Variants in ZFYVE26 observed in about 807,000 individuals in gnomAD.
The protein encoded by ZFYVE26 is zinc finger FYVE-type containing 26, also known as zinc finger FYVE domain-containing protein 26.
ZFYVE26 carries 181 observed loss-of-function variants against 276.5 expected under a neutral mutation model. The ratio of observed to expected loss-of-function variants is 0.65; its 90% confidence interval spans 0.58 to 0.74. The LOEUF (loss-of-function observed/expected upper bound fraction) is 0.74, where lower values mean the gene tolerates loss of function less well. ZFYVE26 is among the 30% of genes least tolerant of loss of function. The pLI is 0.00. For missense variants in ZFYVE26, 2,821 were observed against 3,097.9 expected (o/e 0.91, Z 2.12); for synonymous variants, 1,129 against 1,203.1 (o/e 0.94, Z 1.27).
chr14:67,801,954 C>A (rs1484525008), intron 10 of ZFYVE26, 125 bp downstream of exon 10: 4 of 1,055,156 alleles, frequency 3.8e-6, no homozygotes, highest in Admixed American at 1.8e-5. Context: ...GAAACTATCC[C>A]TGGGTGAAAT....
rs1289089560 is a variant in ZFYVE26 at position 67,783,255 on chromosome 14, G to A, written c.3897C>T (p.Ala1299=). ...GAAAGGCCAAGGCAGAGGAGGTGAG[G>A]GCTGGGAGTGATGAGTCCCTTGGGG... is the stretch of plus-strand genomic sequence containing the variant. ...YSSPRDSSLP[A]LTSSALAFLK... The change falls in exon 21 of 42, where the codon GCC becomes GCT. Residue 1299 remains alanine, a synonymous_variant. Coordinates refer to ENST00000347230, the MANE Select transcript of ZFYVE26 (RefSeq NM_015346.4). 25 of 1,614,076 alleles carry A rather than the reference G, an allele frequency of 1.5e-5. No homozygotes were observed. Among genetic ancestry groups the A allele is most frequent in the Middle Eastern group, 1.6e-4 (1 of 6,062 alleles).
In ZFYVE26 at chr14:67,806,956, G is replaced by T. The variant is rs76888436; in HGVS notation, c.887-281C>A. On this transcript the variant is annotated intron_variant, in intron 5 of 41. Transcript: ENST00000347230. ...TATTTATTTATTTATTTTGAGATAG[G>T]GTCTCACTCTGTCATGCAGGCTGGA... Among the ~76,000 whole-genome samples the T allele has an allele frequency of 1.3e-4, 20 of 151,920 alleles. No homozygotes were observed. The East Asian group carries it at 3.5e-3, about 26-fold the overall frequency.
chr14:67,800,166 A>G (rs1227579216), intron 10 of ZFYVE26, among the ~76,000 whole-genome samples: 1 of 152,250 alleles, frequency 6.6e-6, no homozygotes. Flanking sequence ...TAAATAAAAA[A>G]AGTAAAACAT....
rs144726683 is a variant in ZFYVE26, at chr14:67,805,511, T to A, written c.1125A>T (p.Thr375=). The change falls in exon 7 of 42, where the codon ACA becomes ACT. Residue 375 remains threonine, a synonymous_variant. Coordinates refer to ENST00000347230, the MANE Select transcript of ZFYVE26 (RefSeq NM_015346.4). The part of the protein sequence containing the change: ...LSCLLVLLGW[T]HCQSLESAKR... ...TGGCTGACTCTAGGCTCTGGCAGTG[T>A]GTCCAGCCCAGGAGTACAAGCAGGC... 6.2e-7 allele frequency: 1 copy of A among 1,614,208 alleles called. No homozygotes were observed. Among genetic ancestry groups the A allele is most frequent in the Non-Finnish European group, 8.5e-7 (1 of 1,180,034 alleles).
chr14:67,765,921 C>T (rs1466435542), intron 32 of ZFYVE26, among the ~76,000 whole-genome samples: 1 of 152,114 alleles, frequency 6.6e-6, no homozygotes, highest in East Asian at 1.9e-4. Context: ...AAGGTGGTTC[C>T]CTACATTGAC....
intron 3 of ZFYVE26, among the ~76,000 whole-genome samples, chr14:67,812,804 T>C (rs1422278306): frequency 6.6e-6 from 1 of 152,220 alleles, no homozygotes; most frequent in East Asian, 1.9e-4. Flanking sequence ...ACTAGAGAGA[T>C]CCCTTAATCA....
At position 67,733,643 on chromosome 14, in the gene ZFYVE26, A is replaced by G. The variant is rs1398746081; in HGVS notation, n.2680-3824T>C. 2.0e-5 allele frequency: 15 copies of G among 762,578 alleles called. 1 individual carries two copies. The highest frequency in any genetic ancestry group is 3.4e-5 in the Non-Finnish European group (15 of 436,132). 47.2% of individuals were successfully genotyped at this position (762,578 alleles called of 1,614,324 possible). ...ATTAGTTTCTTTGAGTCTGGCATAT[A>G]TTGTATTTTATTCATTTAGAAACAT... is the stretch of plus-strand genomic sequence containing the variant. On this transcript the variant is annotated intron_variant and non_coding_transcript_variant, in intron 13 of 14. Transcript: ENST00000394455.
At chr14:67,779,341 T>C (rs1357391760) in intron 23 of ZFYVE26, among the ~76,000 whole-genome samples, 2 of 152,122 alleles carry the variant, frequency 1.3e-5, no homozygotes, top group Non-Finnish European at 2.9e-5. Context: ...GGTGGGCAGA[T>C]CACTTGAGGT....
intron 28 of ZFYVE26, 52 bp from the exon 29 acceptor site, chr14:67,769,782 T>C (rs1239789392): frequency 7.4e-6 from 12 of 1,611,642 alleles, no homozygotes; most frequent in Non-Finnish European, 8.5e-6. Flanking sequence ...AAGGGGAGAT[T>C]GCCATCAATC....
chr14:67,738,496 T>C (rs544961218), intron 13 of ZFYVE26, among the ~76,000 whole-genome samples: 108 of 150,814 alleles, frequency 7.2e-4, no homozygotes, highest in African/African-American at 2.5e-3. Context: ...AAAATCATTA[T>C]ATTAAAAAAA....
chr14:67,738,280 G>A (rs909401751), intron 13 of ZFYVE26, among the ~76,000 whole-genome samples: 5 of 150,278 alleles, frequency 3.3e-5, no homozygotes, highest in Admixed American at 6.6e-5. Flanking sequence ...ATCAGTTGGC[G>A]AAAAACTAAT....
At chr14:67,766,205 A>C in intron 32 of ZFYVE26, 22 bp downstream of exon 32, 1 of 1,608,758 alleles carries the variant, frequency 6.2e-7, no homozygotes, top group East Asian at 2.2e-5. Flanking sequence ...GTGTAAAAGA[A>C]TAGAGACCCA....
intron 41 of ZFYVE26, chr14:67,750,341 CCTGA>C: frequency 1.3e-5 from 2 of 154,162 alleles, no homozygotes; most frequent in South Asian, 4.1e-4. Context: ...AAGCTCTTTG[CCTGA>C]CGTCAGTTTT....
intron 8 of ZFYVE26, among the ~76,000 whole-genome samples, chr14:67,804,550 C>T (rs2040139080): frequency 1.3e-5 from 2 of 152,188 alleles, no homozygotes; most frequent in Admixed American, 6.5e-5. Flanking sequence ...CTAATTTCTA[C>T]ACCCTCTCCA....
chr14:67,772,671 A>G (rs1183887817), intron 27 of ZFYVE26, among the ~76,000 whole-genome samples: 1 of 152,258 alleles, frequency 6.6e-6, no homozygotes, highest in Admixed American at 6.5e-5. Flanking sequence ...GCAGTGGCTC[A>G]TGCCAGTAAT....
intron 2 of ZFYVE26, among the ~76,000 whole-genome samples, chr14:67,814,944 T>C (rs1194867484): frequency 6.6e-6 from 1 of 152,166 alleles, no homozygotes; most frequent in Non-Finnish European, 1.5e-5. Context: ...AAGGAAAGAC[T>C]TAAAACGGTA....
At chr14:67,804,315 C>T (rs2040135321) in intron 8 of ZFYVE26, 51 bp from the exon 9 acceptor site, 24 of 1,597,534 alleles carry the variant, frequency 1.5e-5, no homozygotes, top group South Asian at 2.2e-5. Context: ...TATTATTGCT[C>T]GAAGAAAGAT....
chr14:67,742,838 C>CTTTTTTTTTTTTTTTTTTTTTTTTTTTT (rs71446342), downstream of ZFYVE26, among the ~76,000 whole-genome samples: 15 of 89,768 alleles, frequency 1.7e-4, no homozygotes, highest in African/African-American at 4.4e-4. Context: ...TCTTCTTCTT[C>CTTTTTTTTTTTTTTTTTTTTTTTTTTTT]TTTTTTTTTT....
At chr14:67,767,639 T>C in intron 31 of ZFYVE26, 65 bp downstream of exon 31, 3 of 1,611,190 alleles carry the variant, frequency 1.9e-6, no homozygotes, top group Non-Finnish European at 2.5e-6. Context: ...TACCTCTGTA[T>C]TTCTTGTCAT....
Sources: gnomAD v4.1 joint callset for allele counts (sites outside exome capture counted in the v4.1 genomes callset) on GRCh38, gnomAD v4.1.1 for gene constraint, MANE v1.5 for transcripts, NCBI Gene and HGNC (gene_info 2026-07-23, HGNC 2026-07-21) for gene names.